Variants in MORC1 observed in about 807,000 individuals in gnomAD.
The protein encoded by MORC1 is MORC family CW-type zinc finger 1.
Under a neutral mutation model 134.9 loss-of-function variants are expected in MORC1, and 59 were observed. That is an observed-to-expected ratio of 0.44 (90% CI 0.35 to 0.54). The LOEUF (loss-of-function observed/expected upper bound fraction) is 0.54, where lower values mean the gene tolerates loss of function less well. MORC1 is among the 20% of genes least tolerant of loss of function. The pLI is 0.00. For missense variants in MORC1, 947 were observed against 1,134.5 expected (o/e 0.83, Z 2.37); for synonymous variants, 395 against 391.7 (o/e 1.01, Z -0.10).
intron 9 of MORC1, among the ~76,000 whole-genome samples, chr3:109,064,806 A>G (rs1445226035): frequency 1.3e-5 from 2 of 152,190 alleles, no homozygotes; most frequent in Non-Finnish European, 2.9e-5. Context: ...GGTTCGTATA[A>G]TATTGATAGG....
intron 17 of MORC1, among the ~76,000 whole-genome samples, chr3:109,020,147 CAAACA>C (rs921286189): frequency 6.6e-5 from 10 of 152,128 alleles, no homozygotes; most frequent in Non-Finnish European, 8.8e-5. Context: ...ACCTCAGGCT[CAAACA>C]AAACAAAACA....
Position 109,007,095 on chromosome 3 carries a change from T to C in MORC1, c.1705-4A>G, listed in dbSNP as rs1948558426. The C allele has an allele frequency of 6.2e-7, 1 of 1,607,706 alleles. No homozygotes were observed. Among genetic ancestry groups the C allele is most frequent in the Non-Finnish European group, 8.5e-7 (1 of 1,177,254 alleles). Reference sequence around the variant, plus strand: ...CGTCCACTGGTATAAATTGAGGCTTTATGGGAAAGCAAACCATTAAGGCAA... The same window carrying C: ...CGTCCACTGGTATAAATTGAGGCTTCATGGGAAAGCAAACCATTAAGGCAA... On this transcript the variant is annotated splice_polypyrimidine_tract_variant and splice_region_variant and intron_variant, in intron 17 of 27. Coordinates refer to ENST00000232603, the MANE Select transcript of MORC1 (RefSeq NM_014429.4).
intron 9 of MORC1, among the ~76,000 whole-genome samples, chr3:109,064,619 G>A (rs971349830): frequency 6.6e-6 from 1 of 151,842 alleles, no homozygotes; most frequent in African/African-American, 2.4e-5. Flanking sequence ...CTACAGTTCT[G>A]AACTTTTATT....
At chr3:109,102,292 G>A (rs1950943717) in intron 4 of MORC1, among the ~76,000 whole-genome samples, 7 of 152,062 alleles carry the variant, frequency 4.6e-5, no homozygotes, top group Admixed American at 4.6e-4. Context: ...GGTGCATAGG[G>A]CCAAATAATG....
chr3:109,020,272 G>T (rs999963366), intron 17 of MORC1, among the ~76,000 whole-genome samples: 1 of 152,160 alleles, frequency 6.6e-6, no homozygotes, highest in African/African-American at 2.4e-5. Context: ...TACAAGGGGG[G>T]TCCCGCCAAG....
At chr3:109,050,019 G>C (rs1196101264) in intron 14 of MORC1, among the ~76,000 whole-genome samples, 11 of 152,024 alleles carry the variant, frequency 7.2e-5, no homozygotes, top group Non-Finnish European at 1.5e-5. Flanking sequence ...TACCTGGGGG[G>C]GCTGCCATTT....
intron 17 of MORC1, among the ~76,000 whole-genome samples, chr3:109,017,992 T>G (rs1948856178): frequency 6.6e-6 from 1 of 152,160 alleles, no homozygotes; most frequent in African/African-American, 2.4e-5. Context: ...AATAAAGAAG[T>G]GAATATTGGT....
chr3:109,067,125 T>C (rs563330860), intron 9 of MORC1, among the ~76,000 whole-genome samples: 2 of 152,272 alleles, frequency 1.3e-5, no homozygotes, highest in South Asian at 4.1e-4. Flanking sequence ...TGTCCCAGAA[T>C]AACTTAAAAA....
chr3:108,967,715 G>A (rs999962261), intron 26 of MORC1, among the ~76,000 whole-genome samples: 8 of 152,168 alleles, frequency 5.3e-5, no homozygotes, highest in Non-Finnish European at 1.0e-4. Context: ...ATAGCCAGGT[G>A]TGGTGGTACA....
At chr3:109,091,494 A>T (rs1950726415) in intron 8 of MORC1, among the ~76,000 whole-genome samples, 1 of 150,940 alleles carries the variant, frequency 6.6e-6, no homozygotes, top group East Asian at 1.9e-4. Context: ...GTATGTTCTA[A>T]GTTTAAAGGG....
chr3:109,107,397 T>G (rs1200729671), intron 3 of MORC1, among the ~76,000 whole-genome samples: 2 of 152,140 alleles, frequency 1.3e-5, no homozygotes, highest in Non-Finnish European at 2.9e-5. Context: ...AAAGTACAGC[T>G]ACATACTACA....
intron 11 of MORC1, 113 bp downstream of exon 11, chr3:109,061,875 G>A (rs913442440): frequency 3.2e-6 from 3 of 936,424 alleles, no homozygotes; most frequent in Non-Finnish European, 5.2e-6. Context: ...AATCTTCTGA[G>A]CTTATCTGTG....
chr3:109,032,797 A>C lies in MORC1; in HGVS notation c.1488T>G (p.Pro496=). The change falls in exon 16 of 28, where the codon CCT becomes CCG. Residue 496 remains proline (P), a synonymous_variant. Coordinates refer to ENST00000232603, the MANE Select transcript of MORC1 (RefSeq NM_014429.4). The part of the protein sequence containing the change: ...CDLCLKWRVL[P]SSTNYQEKEF... ...CTTTTTCCTGATAATTAGTAGAGGA[A>C]GGCAAGACTCTCCATTTAAGACAAA... is the stretch of plus-strand genomic sequence containing the variant. 6.2e-7 allele frequency: 1 copy of C among 1,605,646 alleles called. No individual in the cohort carries two copies. The highest frequency in any genetic ancestry group is 8.5e-7 in the Non-Finnish European group (1 of 1,173,864).
At chr3:109,103,730 G>A (rs1950971518) in intron 4 of MORC1, 119 bp downstream of exon 4, 1 of 845,280 alleles carries the variant, frequency 1.2e-6, no homozygotes, top group African/African-American at 1.7e-5. Flanking sequence ...AAAGTCTGGG[G>A]CTTACTTTCT....
intron 13 of MORC1, among the ~76,000 whole-genome samples, chr3:109,055,870 T>C (rs917452450): frequency 6.6e-6 from 1 of 152,102 alleles, no homozygotes; most frequent in African/African-American, 2.4e-5. Flanking sequence ...GCAGGTGCTG[T>C]GATATGTGAA....
rs62272133 is a variant in MORC1, at chr3:108,996,292, A to G, written c.2187+4265T>C. 2.8e-4 allele frequency among the ~76,000 whole-genome samples: 40 copies of G among 144,270 alleles called. No individual in the cohort carries two copies. The South Asian group carries it at 5.7e-3, about 21-fold the overall frequency. The allele number at this position is 144,270 out of a possible 152,430, so 94.6% of individuals were successfully genotyped here. On this transcript the variant is annotated intron_variant, in intron 21 of 27. Transcript: ENST00000232603. ...CGCGTGCGTGCGCGCGCGCGCACAC[A>G]CACACACACACACACAACTAGAATT...
Position 109,100,478 on chromosome 3 carries a change from G to A in MORC1, c.253C>T (p.Arg85Ter), listed in dbSNP as rs1950905442. Reference protein sequence around the residue: ...EEASDIIYFGRSKKRLSTLKF... With the variant: ...EEASDIIYFG ...AAGGTTGACAGCCGTTTTTTGGATC[G>A]TCCAAAGTAAATGATGTCTGAAGCT... The change falls in exon 5 of 28, where the codon CGA (arginine) becomes TGA (stop). Residue 85 changes from arginine (R) to a stop codon, truncating the protein, a stop_gained. Coordinates refer to ENST00000232603, the MANE Select transcript of MORC1 (RefSeq NM_014429.4). LOFTEE classifies it high-confidence loss of function. 8 of 1,612,984 alleles carry A rather than the reference G, an allele frequency of 5.0e-6. No individual in the cohort carries two copies. Among genetic ancestry groups the A allele is most frequent in the African/African-American group, 1.3e-5 (1 of 74,844 alleles).
chr3:109,036,575 G>A (rs1383140341), intron 14 of MORC1, among the ~76,000 whole-genome samples: 4 of 152,036 alleles, frequency 2.6e-5, no homozygotes, highest in African/African-American at 9.7e-5. Flanking sequence ...ACTAACCATG[G>A]TACCAGCCTT....
rs777212691 is a variant in MORC1, at chr3:108,971,371, G to C, written c.2509C>G (p.Gln837Glu). 11 of 1,613,456 alleles carry C rather than the reference G, an allele frequency of 6.8e-6. No individual in the cohort carries two copies. The highest frequency in any genetic ancestry group is 1.7e-4 in the Middle Eastern group (1 of 6,058). ...EILLYFFPEH[Q>E]LPSELEEPAL... is the part of the protein sequence containing the mutation. ...GGTTCTTCCAATTCTGATGGTAGCT[G>C]ATGCTCAGGAAAAAAATACAGAAGA... The change falls in exon 25 of 28, where the codon CAG becomes GAG. Residue 837 changes from glutamine to glutamate, a missense_variant. Coordinates refer to ENST00000232603, the MANE Select transcript of MORC1 (RefSeq NM_014429.4).
Sources: gnomAD v4.1 joint callset for allele counts (sites outside exome capture counted in the v4.1 genomes callset) on GRCh38, gnomAD v4.1.1 for gene constraint, MANE v1.5 for transcripts, NCBI Gene and HGNC (gene_info 2026-07-23, HGNC 2026-07-21) for gene names.